SGCD: variants seen among roughly 807,000 people sequenced by gnomAD.
SGCD encodes the protein delta-sarcoglycan.
SGCD carries 18 observed loss-of-function variants against 36.6 expected under a neutral mutation model. The observed-to-expected ratio is 0.49, with a 90% CI of 0.34 to 0.73. SGCD has a LOEUF of 0.73. SGCD is among the 30% of genes least tolerant of loss of function. The pLI is 0.01. For missense variants in SGCD, 387 were observed against 346.7 expected, an observed-to-expected ratio of 1.12 and a Z score of -0.92; for synonymous variants, 133 against 130.6, an observed-to-expected ratio of 1.02 and a Z score of -0.12.
intron 3 of SGCD, among the ~76,000 whole-genome samples, chr5:156,468,057 T>C (rs1373140772): frequency 6.6e-6 from 1 of 152,126 alleles, no homozygotes; most frequent in Non-Finnish European, 1.5e-5. Flanking sequence ...GTTAAGAATA[T>C]TTATAAATTG....
intron 1 of SGCD, among the ~76,000 whole-genome samples, chr5:156,075,402 A>G (rs566098654): frequency 1.3e-5 from 2 of 152,336 alleles, no homozygotes; most frequent in Admixed American, 6.5e-5. Context: ...AAATCATACT[A>G]CAAGGATAGA....
chr5:156,049,455 G>A (rs1581063148), intron 1 of SGCD, among the ~76,000 whole-genome samples: 1 of 145,880 alleles, frequency 6.9e-6, no homozygotes, highest in South Asian at 2.2e-4. Flanking sequence ...TCCTATCCAT[G>A]AGCATGGAAT....
At chr5:156,369,390 T>G (rs1049060606) in intron 3 of SGCD, among the ~76,000 whole-genome samples, 2 of 152,202 alleles carry the variant, frequency 1.3e-5, no homozygotes, top group Admixed American at 1.3e-4. Context: ...CCACTTAGAG[T>G]TCTCTGGTTA....
At chr5:156,258,803 G>A (rs1581200944) in intron 3 of SGCD, among the ~76,000 whole-genome samples, 1 of 151,990 alleles carries the variant, frequency 6.6e-6, no homozygotes, top group Non-Finnish European at 1.5e-5. Flanking sequence ...GAACTCATAA[G>A]GGAATATTTA....
chr5:155,787,345 A>T, the SGCD span, among the ~76,000 whole-genome samples: 1 of 152,152 alleles, frequency 6.6e-6, no homozygotes, highest in Non-Finnish European at 1.5e-5. Context: ...GAGCTGGGAG[A>T]TTAACTGTGA....
At chr5:156,176,348 C>T (rs4526092) in intron 3 of SGCD, among the ~76,000 whole-genome samples, 111,125 of 152,114 alleles carry the variant, frequency 0.73, 41,567 homozygotes, top group East Asian at 0.95. Flanking sequence ...CAAATAGCAA[C>T]GTACTATAGA....
chr5:155,921,536 A>G (rs568128576), intron 1 of SGCD, among the ~76,000 whole-genome samples: 14 of 151,526 alleles, frequency 9.2e-5, no homozygotes, highest in African/African-American at 3.4e-4. Context: ...TCTGGAAAGA[A>G]AGGGGACACA....
chr5:156,108,758 G>A (rs1453563345), intron 1 of SGCD, among the ~76,000 whole-genome samples: 2 of 152,086 alleles, frequency 1.3e-5, no homozygotes, highest in African/African-American at 4.8e-5. Context: ...AGAAACTCAT[G>A]GATAAGAGGG....
intron 3 of SGCD, among the ~76,000 whole-genome samples, chr5:156,361,149 A>G (rs978544874): frequency 1.3e-5 from 2 of 152,210 alleles, no homozygotes; most frequent in Non-Finnish European, 2.9e-5. Flanking sequence ...GCGCCCAACA[A>G]GATCCTGTAG....
intron 3 of SGCD, among the ~76,000 whole-genome samples, chr5:156,306,940 T>G (rs1170176272): frequency 6.6e-6 from 1 of 152,210 alleles, no homozygotes; most frequent in Non-Finnish European, 1.5e-5. Context: ...TAATGGCATT[T>G]GTGTTTTGTG....
At chr5:156,058,800 T>C (rs750246656) in intron 1 of SGCD, among the ~76,000 whole-genome samples, 1 of 145,932 alleles carries the variant, frequency 6.9e-6, no homozygotes, top group Non-Finnish European at 1.5e-5. Flanking sequence ...AGATGATGTC[T>C]GGGTTGGCCT....
chr5:156,165,382 T>C (rs1763189310), intron 3 of SGCD, among the ~76,000 whole-genome samples: 1 of 152,184 alleles, frequency 6.6e-6, no homozygotes, highest in Admixed American at 6.5e-5. Context: ...GTCTAAGAGA[T>C]GGAATCTTTT....
At chr5:156,208,222 G>T (rs1764342212) in intron 3 of SGCD, among the ~76,000 whole-genome samples, 1 of 152,194 alleles carries the variant, frequency 6.6e-6, no homozygotes, top group Admixed American at 6.5e-5. Context: ...TCTCACTGTG[G>T]ATTAAAGCCC....
At chr5:155,801,565 T>G in the SGCD span, among the ~76,000 whole-genome samples, 2 of 152,174 alleles carry the variant, frequency 1.3e-5, no homozygotes, top group African/African-American at 4.8e-5. Context: ...ACTGGAAAAG[T>G]GGTAGTAGCT....
At chr5:156,700,958 A>AAG (rs1554130994) in intron 7 of SGCD, among the ~76,000 whole-genome samples, 8 of 151,024 alleles carry the variant, frequency 5.3e-5, no homozygotes, top group East Asian at 3.9e-4. Context: ...AAAAAAAAAA[A>AAG]AGAGAGAGAG....
intron 1 of SGCD, among the ~76,000 whole-genome samples, chr5:155,920,010 G>T (rs1756835061): frequency 6.6e-6 from 1 of 152,098 alleles, no homozygotes; most frequent in African/African-American, 2.4e-5. Context: ...TGAAAATATT[G>T]CATGACACAT....
chr5:156,153,829 C>G (rs79163119), intron 3 of SGCD, among the ~76,000 whole-genome samples: 2,149 of 151,660 alleles, frequency 0.014, 96 homozygotes, highest in African/African-American at 0.04. Flanking sequence ...ATGGTTACAT[C>G]GTATGCATCA....
chr5:156,001,101 C>T (rs976556248), intron 1 of SGCD, among the ~76,000 whole-genome samples: 3 of 152,192 alleles, frequency 2.0e-5, no homozygotes, highest in African/African-American at 7.2e-5. Flanking sequence ...CTTCTGGGGT[C>T]TACTACCTGC....
At chr5:156,572,549 A>G (rs1435226766) in intron 4 of SGCD, among the ~76,000 whole-genome samples, 1 of 152,148 alleles carries the variant, frequency 6.6e-6, no homozygotes. Context: ...TTGGAGCAAA[A>G]GAGTCAATCA....
Sources: allele counts gnomAD v4.1 joint callset (sites outside exome capture counted in the v4.1 genomes callset), GRCh38; gene constraint gnomAD v4.1.1; transcripts MANE v1.5; gene names NCBI Gene and HGNC (gene_info 2026-07-23, HGNC 2026-07-21).